Variants in JRK observed in about 807,000 individuals in gnomAD.
The protein encoded by JRK is Jrk helix-turn-helix protein.
For missense variants in JRK, 720 were observed against 509.2 expected, an observed-to-expected ratio of 1.41 and a Z score of -3.98; for synonymous variants, 303 against 218.1, an observed-to-expected ratio of 1.39 and a Z score of -3.43.
Position 142,664,280 on chromosome 8 carries a change from G to A in JRK, c.*72C>T. 3 of 1,472,898 alleles carry A rather than the reference G, an allele frequency of 2.0e-6. No homozygotes were observed. Among genetic ancestry groups the A allele is most frequent in the Non-Finnish European group, 2.7e-6 (3 of 1,110,744 alleles). 91.2% of individuals were successfully genotyped at this position (1,472,898 alleles called of 1,614,324 possible). On this transcript the variant is annotated 3_prime_UTR_variant, in exon 2 of 2. Coordinates refer to ENST00000612905, the MANE Select transcript of JRK (RefSeq NM_003724.4). The stretch of plus-strand genomic sequence containing the variant: ...TGCCCTCCTGCCTCAGGTGGGGTCG[G>A]GGCACAGGACCATGCCACTCCAGGG...
chr8:142,655,448 G>C (rs587732604), downstream of JRK, among the ~76,000 whole-genome samples: 268 of 152,370 alleles, frequency 1.8e-3, no homozygotes, highest in Non-Finnish European at 3.1e-3. Flanking sequence ...GCAGGACACA[G>C]CAGCACCCTA....
rs1029585530 is a variant in JRK at position 142,658,428 on chromosome 8, C to T, written c.*5924G>A. On this transcript the variant is annotated 3_prime_UTR_variant, in exon 2 of 2. Transcript: ENST00000612905. ...TTTTAGCAATAAGGTCTTATCATGC[C>T]TAGGCTGGTCTCGAACTCCTGGACT... The T allele has an allele frequency of 6.5e-6, 1 of 153,108 alleles. No homozygotes were observed. The highest frequency in any genetic ancestry group is 2.4e-5 in the African/African-American group (1 of 40,820). The allele number at this position is 153,108 out of a possible 1,614,324, so 9.5% of individuals were successfully genotyped here.
rs1172880320 is a variant in JRK, at chr8:142,659,574, G to A, written c.*4778C>T. The A allele has an allele frequency of 1.4e-5, 14 of 985,562 alleles. 1 individual carries two copies. The highest frequency in any genetic ancestry group is 5.2e-4 in the Middle Eastern group (1 of 1,914). The allele number at this position is 985,562 out of a possible 1,614,324, so 61.1% of individuals were successfully genotyped here. A position where few individuals can be genotyped will look rare whatever the true frequency, so the allele number is the denominator to read the frequency against. Reference sequence around the variant, plus strand: ...CAGGGCCTTGAGCAGGGAGGCCATCGTGCTGCCTAAGAGACCAGGACCCAG... The same window carrying A: ...CAGGGCCTTGAGCAGGGAGGCCATCATGCTGCCTAAGAGACCAGGACCCAG... On this transcript the variant is annotated 3_prime_UTR_variant, in exon 2 of 2. Coordinates refer to ENST00000612905, the MANE Select transcript of JRK (RefSeq NM_003724.4).
rs1250678930 is a variant in JRK, at chr8:142,659,683, A to G, written c.*4669T>C. ...AGGCCTCAAACAAGAGTGGCCCCTA[A>G]AACAGTTGGTAAAGGAGTGTTTTCA... On this transcript the variant is annotated 3_prime_UTR_variant, in exon 2 of 2. Coordinates refer to ENST00000612905, the MANE Select transcript of JRK (RefSeq NM_003724.4). 2.0e-5 allele frequency: 20 copies of G among 985,432 alleles called. No individual in the cohort carries two copies. The highest frequency in any genetic ancestry group is 2.2e-5 in the Non-Finnish European group (18 of 830,006). 61.0% of individuals were successfully genotyped at this position (985,432 alleles called of 1,614,324 possible).
Position 142,661,432 on chromosome 8 carries a change from AG to A in JRK, c.*2919del, listed in dbSNP as rs1464354838. ...GGAGCGCCCTCAGGCCTGAGCACTCAGGGGTGCCACCCCAAAGATGAAGGCA... is the reference window on the plus strand; with the variant it reads ...GGAGCGCCCTCAGGCCTGAGCACTCAGGGTGCCACCCCAAAGATGAAGGCA... On this transcript the variant is annotated 3_prime_UTR_variant, in exon 2 of 2. Coordinates refer to ENST00000612905, the MANE Select transcript of JRK (RefSeq NM_003724.4). 10 of 985,348 alleles carry A rather than the reference AG, an allele frequency of 1.0e-5. No individual in the cohort carries two copies. Among genetic ancestry groups the A allele is most frequent in the Non-Finnish European group, 1.2e-5 (10 of 830,006 alleles). The allele number at this position is 985,348 out of a possible 1,614,324, so 61.0% of individuals were successfully genotyped here.
Position 142,661,806 on chromosome 8 carries a change from C to T in JRK, c.*2546G>A. 1.0e-6 allele frequency: 1 copy of T among 985,518 alleles called. No individual in the cohort carries two copies. Among genetic ancestry groups the T allele is most frequent in the Non-Finnish European group, 1.2e-6 (1 of 830,054 alleles). 61.0% of individuals were successfully genotyped at this position (985,518 alleles called of 1,614,324 possible). On this transcript the variant is annotated 3_prime_UTR_variant, in exon 2 of 2. Transcript: ENST00000612905. ...GGGCTTGGGGAAAAAGATTCTGAGG[C>T]TAAAACATTCAACCACTTGAGCTTC...
chr8:142,662,903 T>A lies in JRK; in HGVS notation c.*1449A>T. 1 of 960,896 alleles carries A rather than the reference T, an allele frequency of 1.0e-6. No individual in the cohort carries two copies. Among genetic ancestry groups the A allele is most frequent in the Non-Finnish European group, 1.2e-6 (1 of 807,574 alleles). 59.5% of individuals were successfully genotyped at this position (960,896 alleles called of 1,614,324 possible). A position where few individuals can be genotyped will look rare whatever the true frequency, so the allele number is the denominator to read the frequency against. On this transcript the variant is annotated 3_prime_UTR_variant, in exon 2 of 2. Transcript: ENST00000612905. Reference sequence around the variant, plus strand: ...GGCCGAGTGCTGTGGCTCACACCTGTAATCCCAGCACTTTAGAAGGATGAG... The same window carrying A: ...GGCCGAGTGCTGTGGCTCACACCTGAAATCCCAGCACTTTAGAAGGATGAG...
At chr8:142,656,440 T>C (rs1846753740), downstream of JRK, among the ~76,000 whole-genome samples, 1 of 152,262 alleles carries the variant, frequency 6.6e-6, no homozygotes, top group East Asian at 1.9e-4. Flanking sequence ...CATCCAGCTG[T>C]TAAGCTCCAC....
chr8:142,662,354 G>A lies in JRK; in HGVS notation c.*1998C>T. 1.0e-6 allele frequency: 1 copy of A among 985,528 alleles called. No homozygotes were observed. Among genetic ancestry groups the A allele is most frequent in the Non-Finnish European group, 1.2e-6 (1 of 830,016 alleles). 61.0% of individuals were successfully genotyped at this position (985,528 alleles called of 1,614,324 possible). On this transcript the variant is annotated 3_prime_UTR_variant, in exon 2 of 2. Transcript: ENST00000612905. Reference sequence around the variant, plus strand: ...ACCCAGGATGTCCTACTGTTTCAGAGCCCTCGGGACATGTTCTAACCTCCT... The same window carrying A: ...ACCCAGGATGTCCTACTGTTTCAGAACCCTCGGGACATGTTCTAACCTCCT...
intron 1 of JRK, 32 bp from the exon 2 acceptor site, chr8:142,666,552 A>G: frequency 4.1e-6 from 1 of 245,576 alleles, no homozygotes; most frequent in Non-Finnish European, 8.4e-6. Context: ...GAGGAAAGTG[A>G]TGGGGCGCGC....
Position 142,659,402 on chromosome 8 carries a change from CG to C in JRK, c.*4949del. 1 of 987,390 alleles carries C rather than the reference CG, an allele frequency of 1.0e-6. No individual in the cohort carries two copies. The allele number at this position is 987,390 out of a possible 1,614,324, so 61.2% of individuals were successfully genotyped here. On this transcript the variant is annotated 3_prime_UTR_variant, in exon 2 of 2. Transcript: ENST00000612905. ...CCCAACGATCCTCGCCTGTGTGGGA[CG>C]GGGCTACCTGCAGACATAGAGGGCC...
At chr8:142,654,569 G>T (rs1846716410), downstream of JRK, among the ~76,000 whole-genome samples, 1 of 151,872 alleles carries the variant, frequency 6.6e-6, no homozygotes, top group Non-Finnish European at 1.5e-5. Context: ...TGTACCCAGG[G>T]CTCAGGAGCA....
In JRK at chr8:142,662,579, A is replaced by G; in HGVS notation, c.*1773T>C. On this transcript the variant is annotated 3_prime_UTR_variant, in exon 2 of 2. Transcript: ENST00000612905. ...GTCGTTCAGCACCGAGATCTTTAAA[A>G]ACTATTTGGCTTTTATAATCTTCAC... 1.0e-6 allele frequency: 1 copy of G among 985,458 alleles called. No homozygotes were observed. The highest frequency in any genetic ancestry group is 1.1e-4 in the East Asian group (1 of 8,814). 61.0% of individuals were successfully genotyped at this position (985,458 alleles called of 1,614,324 possible).
rs1449000426 is a variant in JRK at position 142,665,975 on chromosome 8, G to A, written c.84C>T (p.Ile28=). 7.1e-6 allele frequency: 8 copies of A among 1,133,170 alleles called. No homozygotes were observed. The highest frequency in any genetic ancestry group is 4.6e-5 in the African/African-American group (3 of 65,756). 70.2% of individuals were successfully genotyped at this position (1,133,170 alleles called of 1,614,324 possible). ...VVLTLKEKID[I]CTRLEKGESR... Reference sequence around the variant, plus strand: ...TCTCGCCCTTCTCCAGGCGCGTGCAGATGTCAATCTTCTCCTTCAGTGTCA... The same window carrying A: ...TCTCGCCCTTCTCCAGGCGCGTGCAAATGTCAATCTTCTCCTTCAGTGTCA... The change falls in exon 2 of 2, where the codon ATC becomes ATT. Residue 28 remains isoleucine (I), a synonymous_variant. Transcript: ENST00000612905.
At position 142,661,003 on chromosome 8, in the gene JRK, C is replaced by T. The variant is rs1846896940; in HGVS notation, c.*3349G>A. ...CGACTTCCTTTCTTCCAATCAACTC[C>T]ACCACTAGCAATCAATCACTTGGCC... On this transcript the variant is annotated 3_prime_UTR_variant, in exon 2 of 2. Transcript: ENST00000612905. 7.1e-6 allele frequency: 7 copies of T among 985,398 alleles called. No homozygotes were observed. The highest frequency in any genetic ancestry group is 8.4e-6 in the Non-Finnish European group (7 of 829,918). The allele number at this position is 985,398 out of a possible 1,614,324, so 61.0% of individuals were successfully genotyped here.
downstream of JRK, among the ~76,000 whole-genome samples, chr8:142,654,740 C>G (rs147416662): frequency 1.3e-5 from 2 of 152,070 alleles, no homozygotes; most frequent in East Asian, 3.9e-4. Context: ...CCTGCCCAAG[C>G]CCCCAGCCAC....
At chr8:142,652,413 T>C in the JRK span, among the ~76,000 whole-genome samples, 1 of 152,182 alleles carries the variant, frequency 6.6e-6, no homozygotes, top group East Asian at 1.9e-4. Flanking sequence ...AAGATAAACA[T>C]TGGCTCAGTC....
At position 142,666,163 on chromosome 8, in the gene JRK, C is replaced by T; in HGVS notation, c.-105G>A. 6.5e-7 allele frequency: 1 copy of T among 1,542,720 alleles called. No individual in the cohort carries two copies. Among genetic ancestry groups the T allele is most frequent in the Non-Finnish European group, 8.8e-7 (1 of 1,142,526 alleles). ...TCCCCTTCTGGGGCTCCGTCTCTCC[C>T]TCTCCACTCTGCCTGCCTGCTCTGC... On this transcript the variant is annotated 5_prime_UTR_variant, in exon 2 of 2. Transcript: ENST00000612905.
the JRK span, among the ~76,000 whole-genome samples, chr8:142,648,001 A>G: frequency 6.6e-6 from 1 of 152,228 alleles, no homozygotes; most frequent in African/African-American, 2.4e-5. Flanking sequence ...CTCTTGTTAT[A>G]TTTTAGCAAA....
Sources: gnomAD v4.1 joint callset for allele counts (sites outside exome capture counted in the v4.1 genomes callset) on GRCh38, gnomAD v4.1.1 for gene constraint, MANE v1.5 for transcripts, NCBI Gene and HGNC (gene_info 2026-07-23, HGNC 2026-07-21) for gene names.